The following YTHDC2 variants were observed in gnomAD, a reference collection of about 807,000 sequenced individuals.
The protein encoded by YTHDC2 is YTH N6-methyladenosine RNA binding protein C2.
Under a neutral mutation model 174.9 loss-of-function variants are expected in YTHDC2, and 45 were observed. That is an observed-to-expected ratio of 0.26 (90% CI 0.20 to 0.33). YTHDC2 has a LOEUF of 0.33. Among genes scored for constraint, YTHDC2 ranks in the 10% least tolerant of loss-of-function variants. The pLI is 1.00. For missense variants in YTHDC2, 1,650 were observed against 1,723.7 expected, an observed-to-expected ratio of 0.96 and a Z score of 0.76; for synonymous variants, 657 against 574.5, an observed-to-expected ratio of 1.14 and a Z score of -2.05.
chr5:113,566,123 C>G, intron 21 of YTHDC2, 104 bp downstream of exon 21: 2 of 1,270,946 alleles, frequency 1.6e-6, no homozygotes, highest in Non-Finnish European at 2.1e-6. Context: ...ATTTTTATGA[C>G]ATTATCATGT....
At chr5:113,534,459 A>G (rs748530170) in intron 6 of YTHDC2, 52 bp downstream of exon 6, 6 of 1,493,824 alleles carry the variant, frequency 4.0e-6, no homozygotes, top group East Asian at 2.3e-5. Flanking sequence ...TTAAAATTTA[A>G]ATACATATGC....
intron 12 of YTHDC2, among the ~76,000 whole-genome samples, chr5:113,551,267 A>G (rs908336529): frequency 6.6e-6 from 1 of 152,062 alleles, no homozygotes; most frequent in African/African-American, 2.4e-5. Flanking sequence ...TTATGGTGTT[A>G]AGTAAAGCTC....
Position 113,542,416 on chromosome 5 carries a change from G to T in YTHDC2, c.1408G>T (p.Asp470Tyr), listed in dbSNP as rs1415218898. 1 of 1,612,736 alleles carries T rather than the reference G, an allele frequency of 6.2e-7. No homozygotes were observed. Among genetic ancestry groups the T allele is most frequent in the African/African-American group, 1.3e-5 (1 of 74,884 alleles). ...TGAACCATGGTTAATAAAGGAAATG[G>T]ATGCTTGCCTTTCTGATATATGGCT... ...CLEPWLIKEM[D>Y]ACLSDIWLHK... The change falls in exon 10 of 30, where the codon GAT becomes TAT. Residue 470 changes from aspartate to tyrosine, a missense_variant. By Grantham distance (160) the Asp-to-Tyr change is radical. Around this residue, in one of 5 missense-constraint regions of YTHDC2, gnomAD observed 411 missense variants for 380.6 expected, o/e 1.08. Transcript: ENST00000161863.
intron 10 of YTHDC2, among the ~76,000 whole-genome samples, chr5:113,548,251 C>G (rs1224433345): frequency 6.6e-6 from 1 of 152,150 alleles, no homozygotes; most frequent in Non-Finnish European, 1.5e-5. Context: ...TAATAGCTTT[C>G]CTTTTCTGTT....
At chr5:113,521,115 A>G (rs1773833907) in intron 2 of YTHDC2, among the ~76,000 whole-genome samples, 1 of 152,224 alleles carries the variant, frequency 6.6e-6, no homozygotes, top group Non-Finnish European at 1.5e-5. Context: ...ATGGCTGCAT[A>G]GTATTCCATG....
intron 12 of YTHDC2, 125 bp from the exon 13 acceptor site, chr5:113,553,056 T>C (rs1375245681): frequency 1.1e-6 from 1 of 942,440 alleles, no homozygotes; most frequent in African/African-American, 1.7e-5. Context: ...TGAATCATAT[T>C]ATAGCTAGGA....
At chr5:113,590,279 G>A (rs918201480) in intron 26 of YTHDC2, among the ~76,000 whole-genome samples, 29 of 152,184 alleles carry the variant, frequency 1.9e-4, no homozygotes, top group Admixed American at 6.5e-5. Context: ...AGTAATGTTA[G>A]GAATGGGCCA....
At chr5:113,540,810 A>G (rs938110846) in intron 8 of YTHDC2, among the ~76,000 whole-genome samples, 158 bp from the exon 9 acceptor site, 7 of 152,236 alleles carry the variant, frequency 4.6e-5, no homozygotes, top group African/African-American at 1.7e-4. Context: ...AGCATAACAC[A>G]TTTTTATTGA....
At position 113,591,253 on chromosome 5, in the gene YTHDC2, C is replaced by T. The variant is rs1282881600; in HGVS notation, c.4029+9C>T. ...GATCTGGACATTTCCAGGTGAGCCA[C>T]CCTGAATCAGTAAAATGGGGTTGTT... is the stretch of plus-strand genomic sequence containing the variant. On this transcript the variant is annotated intron_variant, in intron 27 of 29. Coordinates refer to ENST00000161863, the MANE Select transcript of YTHDC2 (RefSeq NM_022828.5). 2.5e-6 allele frequency: 4 copies of T among 1,613,306 alleles called. No individual in the cohort carries two copies. In the African/African-American group the frequency reaches 5.3e-5, roughly 22 times the overall value.
chr5:113,541,262 G>T (rs555310506), intron 9 of YTHDC2, 146 bp downstream of exon 9: 46 of 888,678 alleles, frequency 5.2e-5, no homozygotes, highest in South Asian at 1.1e-4. Flanking sequence ...CGTGATCTCG[G>T]CTCACTGCAA....
chr5:113,589,368 C>A lies in YTHDC2; in HGVS notation c.3826-1673C>A, dbSNP rs146069216. 4.3e-3 allele frequency among the ~76,000 whole-genome samples: 585 copies of A among 136,894 alleles called. 7 individuals carry two copies. The highest frequency in any genetic ancestry group is 0.016 in the African/African-American group (563 of 35,940). The allele number at this position is 136,894 out of a possible 152,430, so 89.8% of individuals were successfully genotyped here. On this transcript the variant is annotated intron_variant, in intron 26 of 29. Coordinates refer to ENST00000161863, the MANE Select transcript of YTHDC2 (RefSeq NM_022828.5). Reference sequence around the variant, plus strand: ...GTGTTTTTAAAGGCAGTATTTTCATCTCTAGAAGTTCAAGTCTTTTAAAAA... The same window carrying A: ...GTGTTTTTAAAGGCAGTATTTTCATATCTAGAAGTTCAAGTCTTTTAAAAA...
At chr5:113,558,921 CA>C (rs60017425) in intron 17 of YTHDC2, among the ~76,000 whole-genome samples, 41,032 of 121,052 alleles carry the variant, frequency 0.34, 5,624 homozygotes, top group Non-Finnish European at 0.39. Flanking sequence ...GACTCCGTCT[CA>C]AAAAAAAAAA....
chr5:113,567,821 T>G lies in YTHDC2; in HGVS notation c.3216T>G (p.Asn1072Lys). 6.3e-7 allele frequency: 1 copy of G among 1,582,584 alleles called. No individual in the cohort carries two copies. The highest frequency in any genetic ancestry group is 2.3e-5 in the East Asian group (1 of 43,630). The change falls in exon 23 of 30, where the codon AAT becomes AAG. Residue 1072 changes from asparagine (N) to lysine (K), a missense_variant. This residue lies in a region of YTHDC2 where 913 missense variants were observed against 940.4 expected (regional missense o/e 0.97). Transcript: ENST00000161863. ...VFCGPARLAS[N>K]ALQEPSSFRV... ...GTGGACCAGCTAGATTGGCAAGTAATGCTCTTCAGGAACCTTCATCCTTTA... is the reference window on the plus strand; with the variant it reads ...GTGGACCAGCTAGATTGGCAAGTAAGGCTCTTCAGGAACCTTCATCCTTTA...
chr5:113,544,823 G>A (rs1266408435), intron 10 of YTHDC2, among the ~76,000 whole-genome samples: 2 of 151,794 alleles, frequency 1.3e-5, no homozygotes, highest in Admixed American at 6.6e-5. Flanking sequence ...GAAAAGCATA[G>A]TATCCAGTTC....
intron 18 of YTHDC2, 74 bp from the exon 19 acceptor site, chr5:113,563,299 C>G (rs1229591810): frequency 2.3e-6 from 3 of 1,323,562 alleles, no homozygotes; most frequent in Admixed American, 2.4e-5. Flanking sequence ...AACTGTAGTT[C>G]CCATGATTTC....
At chr5:113,583,428 CTG>C (rs1778507856) in intron 25 of YTHDC2, 1 of 152,208 alleles carries the variant, frequency 6.6e-6, no homozygotes, top group African/African-American at 2.4e-5. Flanking sequence ...GAATTTGTCT[CTG>C]TTTTTTTCCT....
chr5:113,561,206 A>T (rs1443230458), intron 18 of YTHDC2, 21 bp downstream of exon 18: 1 of 1,599,108 alleles, frequency 6.3e-7, no homozygotes, highest in African/African-American at 1.3e-5. Context: ...ATTTAAATAT[A>T]AAAGGCATTT....
chr5:113,539,030 C>T (rs745600481), intron 7 of YTHDC2, 44 bp from the exon 8 acceptor site: 2 of 978,542 alleles, frequency 2.0e-6, no homozygotes, highest in Non-Finnish European at 2.9e-6. Flanking sequence ...TGTGAATTTT[C>T]TCCAAGATGC....
rs1257853294 is a variant in YTHDC2, at chr5:113,568,032, A to G, written c.3244+183A>G. ...ATACTACTGTTTTTGAAATTTATTT[A>G]TAAGGTAACTTGATGTTTATTTGTG... On this transcript the variant is annotated intron_variant, in intron 23 of 29. Transcript: ENST00000161863. 2.6e-5 allele frequency among the ~76,000 whole-genome samples: 4 copies of G among 152,262 alleles called. 1 individual carries two copies. The Middle Eastern group carries it at 0.014, about 518-fold the overall frequency.
Sources: allele counts gnomAD v4.1 joint callset (sites outside exome capture counted in the v4.1 genomes callset), GRCh38; gene constraint gnomAD v4.1.1; regional missense constraint gnomAD v4.1.1; transcripts MANE v1.5; gene names NCBI Gene and HGNC (gene_info 2026-07-23, HGNC 2026-07-21).